The following GPC6 variants were observed in gnomAD, a reference collection of about 807,000 sequenced individuals.
GPC6 encodes glypican-6.
GPC6 carries 14 observed loss-of-function variants against 55.2 expected under a neutral mutation model. The ratio of observed to expected loss-of-function variants is 0.25; its 90% CI spans 0.17 to 0.40. The LOEUF (loss-of-function observed/expected upper bound fraction) is 0.40, where lower values mean the gene tolerates loss of function less well. Among genes scored for constraint, GPC6 ranks in the 10% least tolerant of loss-of-function variants. The probability of loss-of-function intolerance (pLI) is 1.00; values close to 1 mark genes in which losing one functional copy is unlikely to be tolerated. For missense variants in GPC6, 641 were observed against 708.5 expected (o/e 0.90, Z 1.08); for synonymous variants, 278 against 259.6 (o/e 1.07, Z -0.68).
At chr13:93,557,242 G>T (rs1255821975) in intron 2 of GPC6, among the ~76,000 whole-genome samples, 2 of 151,952 alleles carry the variant, frequency 1.3e-5, no homozygotes, top group Non-Finnish European at 2.9e-5. Flanking sequence ...CTATTTTCTG[G>T]GTATAATATT....
chr13:93,916,986 CT>C (rs1188942582), intron 3 of GPC6, among the ~76,000 whole-genome samples: 3 of 152,168 alleles, frequency 2.0e-5, no homozygotes, highest in East Asian at 1.9e-4. Flanking sequence ...CATAAGCTCC[CT>C]TTTTGCCCCA....
chr13:93,749,630 G>A (rs1050779176), intron 2 of GPC6, among the ~76,000 whole-genome samples: 1 of 151,818 alleles, frequency 6.6e-6, no homozygotes, highest in Non-Finnish European at 1.5e-5. Context: ...TTTATAACAT[G>A]TATGACATTA....
chr13:93,661,057 C>T (rs1287305867), intron 2 of GPC6, among the ~76,000 whole-genome samples: 1 of 152,138 alleles, frequency 6.6e-6, no homozygotes, highest in Non-Finnish European at 1.5e-5. Context: ...TACTGCACTT[C>T]TTGGAGACTT....
chr13:93,475,782 T>C (rs9524082), intron 1 of GPC6, among the ~76,000 whole-genome samples: 50,804 of 152,056 alleles, frequency 0.33, 8,941 homozygotes, highest in East Asian at 0.61. Flanking sequence ...AAATAGCTTG[T>C]TACTTTTGGA....
intron 1 of GPC6, among the ~76,000 whole-genome samples, chr13:93,410,516 CAG>C (rs964080233): frequency 6.6e-6 from 1 of 152,126 alleles, no homozygotes; most frequent in African/African-American, 2.4e-5. Flanking sequence ...ATGATTTACA[CAG>C]AGTTTGTCCC....
chr13:93,246,974 A>T (rs533913220), intron 1 of GPC6, among the ~76,000 whole-genome samples: 1 of 151,156 alleles, frequency 6.6e-6, no homozygotes, highest in East Asian at 1.9e-4. Context: ...GACATTTAAA[A>T]TTTCTGGTAA....
At chr13:94,249,609 A>G (rs1189348897) in intron 4 of GPC6, among the ~76,000 whole-genome samples, 3 of 152,176 alleles carry the variant, frequency 2.0e-5, no homozygotes, top group Non-Finnish European at 4.4e-5. Flanking sequence ...TATGGAGGAA[A>G]AAACAAAAGC....
chr13:93,777,337 T>G (rs546226001), intron 2 of GPC6, among the ~76,000 whole-genome samples: 2 of 152,210 alleles, frequency 1.3e-5, no homozygotes, highest in Admixed American at 6.6e-5. Flanking sequence ...ACTAGCAACA[T>G]TAACTAAACC....
At chr13:94,267,640 A>G (rs1469898416) in intron 4 of GPC6, among the ~76,000 whole-genome samples, 2 of 152,194 alleles carry the variant, frequency 1.3e-5, no homozygotes, top group Non-Finnish European at 2.9e-5. Flanking sequence ...CTCGACACAG[A>G]ATTCTTCTTC....
chr13:94,243,706 C>A (rs1267220798), intron 4 of GPC6, among the ~76,000 whole-genome samples: 1 of 152,084 alleles, frequency 6.6e-6, no homozygotes, highest in Non-Finnish European at 1.5e-5. Flanking sequence ...GTGCTCAATC[C>A]TCATGGACTC....
At chr13:93,569,811 T>A (rs1198957401) in intron 2 of GPC6, among the ~76,000 whole-genome samples, 2 of 152,094 alleles carry the variant, frequency 1.3e-5, no homozygotes, top group Non-Finnish European at 2.9e-5. Context: ...GGTGATAAAG[T>A]TACCAATTAT....
At chr13:93,844,358 C>A (rs535854082) in intron 3 of GPC6, among the ~76,000 whole-genome samples, 3 of 152,076 alleles carry the variant, frequency 2.0e-5, no homozygotes, top group African/African-American at 4.8e-5. Context: ...AGGATGGTCT[C>A]GATCTCTTGA....
intron 4 of GPC6, among the ~76,000 whole-genome samples, chr13:94,058,344 T>A (rs1190201338): frequency 1.3e-5 from 2 of 152,208 alleles, no homozygotes; most frequent in Non-Finnish European, 2.9e-5. Context: ...TTCACTTACC[T>A]TTCAATTGCT....
intron 2 of GPC6, among the ~76,000 whole-genome samples, chr13:93,637,564 T>G (rs919636883): frequency 3.9e-5 from 6 of 152,182 alleles, no homozygotes; most frequent in African/African-American, 1.4e-4. Context: ...CAGATTATTT[T>G]CAGATAGTGT....
At chr13:94,232,381 C>T (rs568549188) in intron 4 of GPC6, among the ~76,000 whole-genome samples, 4 of 152,292 alleles carry the variant, frequency 2.6e-5, no homozygotes, top group Admixed American at 2.6e-4. Context: ...CTTTCATGGT[C>T]GCCTGCCACG....
chr13:94,246,944 AG>A (rs1189449313), intron 4 of GPC6, among the ~76,000 whole-genome samples: 4 of 151,978 alleles, frequency 2.6e-5, no homozygotes, highest in Non-Finnish European at 4.4e-5. Flanking sequence ...TATTGCTTTA[AG>A]CAGTATGGAC....
chr13:94,054,522 A>T (rs1884064663), intron 4 of GPC6, among the ~76,000 whole-genome samples: 1 of 152,180 alleles, frequency 6.6e-6, no homozygotes, highest in Non-Finnish European at 1.5e-5. Flanking sequence ...CACTTTGGAT[A>T]ACCACTGATC....
intron 1 of GPC6, among the ~76,000 whole-genome samples, chr13:93,412,808 C>A (rs1233060710): frequency 6.6e-6 from 1 of 152,136 alleles, no homozygotes; most frequent in Admixed American, 6.6e-5. Context: ...GAAGGTCTGG[C>A]CAGCACAGTG....
At chr13:93,596,947 C>G (rs1230814858) in intron 2 of GPC6, among the ~76,000 whole-genome samples, 1 of 110,380 alleles carries the variant, frequency 9.1e-6, no homozygotes, top group Non-Finnish European at 1.8e-5. Context: ...GGTATGGTTC[C>G]AAAACAAAAG....
Sources: allele counts gnomAD v4.1 joint callset (sites outside exome capture counted in the v4.1 genomes callset), GRCh38; gene constraint gnomAD v4.1.1; transcripts MANE v1.5; gene names NCBI Gene and HGNC (gene_info 2026-07-23, HGNC 2026-07-21).